The following LINC00632 variants were observed in gnomAD, a reference collection of about 807,000 sequenced individuals.
LINC00632 encodes the protein ALDOA related specific transcript.
rs1204741716 is a variant in LINC00632, at chrX:140,771,665, G to GTA, written n.192-393_192-392dup. Among the ~76,000 whole-genome samples, 97 of 41,016 alleles carry GTA rather than the reference G, an allele frequency of 2.4e-3. 1 individual carries two copies. Among genetic ancestry groups the GTA allele is most frequent in the South Asian group, 4.7e-3 (3 of 645 alleles). The allele number at this position is 41,016 out of a possible 115,157, so 35.6% of individuals were successfully genotyped here. A position where few individuals can be genotyped will look rare whatever the true frequency, so the allele number is the denominator to read the frequency against. On this transcript the variant is annotated intron_variant and non_coding_transcript_variant, in intron 3 of 4. Coordinates refer to ENST00000648200, the Ensembl canonical transcript of LINC00632. ...CACACATACATATATGTGTGTGTGT[G>GTA]TATATATATATATATATATATTTTT...
rs1188224975 is a variant in LINC00632 at position 140,742,588 on chromosome X, G to A, written n.191+8624G>A. On this transcript the variant is annotated intron_variant and non_coding_transcript_variant, in intron 3 of 4. Transcript: ENST00000648200. ...GTACTATATTTTGCCCTACTGAAAT[G>A]TGGTCTCTTTTGCAAGTACATAAAA... Among the ~76,000 whole-genome samples, 5 of 110,455 alleles carry A rather than the reference G, an allele frequency of 4.5e-5. No individual in the cohort carries two copies. In the Admixed American group the frequency reaches 4.9e-4, roughly 11 times the overall value.
At chrX:140,788,629 T>A (rs1932053509) in exon 5 of LINC00632, among the ~76,000 whole-genome samples, 1 of 109,108 alleles carries the variant, frequency 9.2e-6, no homozygotes, top group South Asian at 3.8e-4. Context: ...AAAAACAAGC[T>A]CAAAATTACA....
rs371282610 is a variant in LINC00632 at position 140,733,383 on chromosome X, T to C, written n.105-495T>C. ...ACTGTAATATTTAAATGCATGTCTA[T>C]TGAAGTTAAAAAAAAAAACCTGCAT... On this transcript the variant is annotated intron_variant and non_coding_transcript_variant, in intron 2 of 4. Coordinates refer to ENST00000648200, the Ensembl canonical transcript of LINC00632. Among the ~76,000 whole-genome samples, 5 of 111,173 alleles carry C rather than the reference T, an allele frequency of 4.5e-5. No homozygotes were observed. In the East Asian group the frequency reaches 8.5e-4, roughly 19 times the overall value.
At chrX:140,765,362 C>T (rs1338296638) in intron 3 of LINC00632, among the ~76,000 whole-genome samples, 2 of 111,631 alleles carry the variant, frequency 1.8e-5, no homozygotes, top group East Asian at 5.7e-4. Flanking sequence ...ATGCAGCCGC[C>T]CCAAGTTGCA....
intron 2 of LINC00632, among the ~76,000 whole-genome samples, chrX:140,731,879 T>G (rs1317860555): frequency 1.8e-5 from 2 of 110,591 alleles, no homozygotes; most frequent in African/African-American, 6.6e-5. Flanking sequence ...CAAGACAGGA[T>G]TTCACCCACT....
chrX:140,757,553 C>G (rs73234927), intron 3 of LINC00632, among the ~76,000 whole-genome samples: 31,218 of 110,096 alleles, frequency 0.28, 3,526 homozygotes, highest in Non-Finnish European at 0.35. Context: ...TGTGTGACTT[C>G]TGTTTGTATA....
intron 2 of LINC00632, among the ~76,000 whole-genome samples, chrX:140,731,872 G>C (rs1284439391): frequency 9.0e-6 from 1 of 110,855 alleles, no homozygotes; most frequent in African/African-American, 3.3e-5. Flanking sequence ...CCCCAAACAA[G>C]ACAGGATTTC....
chrX:140,787,216 G>A (rs142065451), exon 5 of LINC00632, among the ~76,000 whole-genome samples: 1 of 111,116 alleles, frequency 9.0e-6, no homozygotes, highest in African/African-American at 3.3e-5. Flanking sequence ...AGTATCTAGA[G>A]ATAATCACTG....
At chrX:140,718,633 A>T (rs1930678692) in intron 2 of LINC00632, among the ~76,000 whole-genome samples, 1 of 109,247 alleles carries the variant, frequency 9.2e-6, no homozygotes, top group Non-Finnish European at 1.9e-5. Flanking sequence ...CTGTTCTCGA[A>T]CTCCTGACCT....
At chrX:140,767,531 A>G in intron 3 of LINC00632, among the ~76,000 whole-genome samples, 1 of 112,058 alleles carries the variant, frequency 8.9e-6, no homozygotes, top group East Asian at 2.8e-4. Flanking sequence ...TTAGTAACTT[A>G]CGCCTCTTAA....
chrX:140,771,955 C>T (rs951202501), intron 3 of LINC00632: 6 of 181,104 alleles, frequency 3.3e-5, no homozygotes, highest in Middle Eastern at 1.8e-3. Flanking sequence ...GCCGGGATTA[C>T]AGGCGTGAGC....
intron 3 of LINC00632, among the ~76,000 whole-genome samples, chrX:140,738,659 C>A (rs999891800): frequency 1.8e-5 from 2 of 112,123 alleles, no homozygotes; most frequent in African/African-American, 6.5e-5. Context: ...AGAATACATA[C>A]TGGATTTCAA....
intron 2 of LINC00632, among the ~76,000 whole-genome samples, chrX:140,722,931 C>A (rs1930755212): frequency 9.2e-6 from 1 of 108,111 alleles, no homozygotes; most frequent in South Asian, 4.1e-4. Context: ...CGCCTGTAAT[C>A]CCAGCTACTC....
intron 3 of LINC00632, among the ~76,000 whole-genome samples, chrX:140,766,231 C>A (rs1359825068): frequency 8.9e-6 from 1 of 111,938 alleles, no homozygotes; most frequent in East Asian, 2.8e-4. Context: ...ACTGTTGCTA[C>A]ATAGAATCTT....
At chrX:140,785,124 T>C (rs1317635547) in exon 5 of LINC00632, among the ~76,000 whole-genome samples, 1 of 109,813 alleles carries the variant, frequency 9.1e-6, no homozygotes, top group Admixed American at 9.8e-5. Context: ...GTATTATTTG[T>C]CCATTTTAAA....
chrX:140,745,851 T>G (rs2148391015), intron 3 of LINC00632, among the ~76,000 whole-genome samples: 1 of 111,713 alleles, frequency 9.0e-6, no homozygotes, highest in African/African-American at 3.2e-5. Flanking sequence ...CCCAAGAAAA[T>G]ATGGAAAAAT....
At chrX:140,759,721 A>C (rs1051708535) in intron 3 of LINC00632, among the ~76,000 whole-genome samples, 1 of 110,950 alleles carries the variant, frequency 9.0e-6, no homozygotes, top group Non-Finnish European at 1.9e-5. Context: ...TGTGACAAAT[A>C]ATTCATTCAG....
intron 3 of LINC00632, among the ~76,000 whole-genome samples, chrX:140,771,025 G>C (rs1309056679): frequency 5.4e-5 from 6 of 111,751 alleles, no homozygotes; most frequent in Non-Finnish European, 1.1e-4. Flanking sequence ...TCAGGCTCTA[G>C]AGAGAAAAAA....
chrX:140,768,664 T>TATATATA (rs1326036088), intron 3 of LINC00632, among the ~76,000 whole-genome samples: 11 of 93,350 alleles, frequency 1.2e-4, no homozygotes, highest in African/African-American at 4.1e-4. Flanking sequence ...ATATAATAAA[T>TATATATA]CTATAATAAA....
Sources: allele counts gnomAD v4.1 joint callset (sites outside exome capture counted in the v4.1 genomes callset), GRCh38; gene constraint gnomAD v4.1.1; transcripts MANE v1.5; gene names NCBI Gene and HGNC (gene_info 2026-07-23, HGNC 2026-07-21).